GABRA5: variants seen among roughly 807,000 people sequenced by gnomAD.
The protein encoded by GABRA5 is gamma-aminobutyric acid receptor subunit alpha-5.
A neutral mutation model predicts 47.3 loss-of-function variants in GABRA5; 18 were observed. That is an observed-to-expected ratio of 0.38 (90% CI 0.26 to 0.56). GABRA5 has a LOEUF of 0.56. Ranked by LOEUF, GABRA5 falls within the 20% of genes least tolerant of loss-of-function variation. The probability of loss-of-function intolerance (pLI) is 0.71; values close to 1 mark genes in which losing one functional copy is unlikely to be tolerated. For missense variants in GABRA5, 365 were observed against 599.3 expected, an observed-to-expected ratio of 0.61 and a Z score of 4.08; for synonymous variants, 237 against 229.3, an observed-to-expected ratio of 1.03 and a Z score of -0.30.
intron 7 of GABRA5, among the ~76,000 whole-genome samples, chr15:26,917,103 T>A (rs1893733965): frequency 6.6e-6 from 1 of 152,068 alleles, no homozygotes; most frequent in African/African-American, 2.4e-5. Context: ...CCTAAAGTAT[T>A]GTACTGAATA....
chr15:26,939,846 G>A, intron 8 of GABRA5, 79 bp from the exon 9 acceptor site: 1 of 1,461,384 alleles, frequency 6.8e-7, no homozygotes. Context: ...GGAGTGGAAG[G>A]GAGGCTCCTG....
chr15:26,878,751 T>C (rs1031716523), intron 3 of GABRA5, among the ~76,000 whole-genome samples: 3 of 152,258 alleles, frequency 2.0e-5, no homozygotes, highest in Non-Finnish European at 4.4e-5. Flanking sequence ...CAAATGTGTG[T>C]AGATATACTG....
intron 7 of GABRA5, among the ~76,000 whole-genome samples, chr15:26,919,493 AT>A (rs1307947601): frequency 6.6e-6 from 1 of 152,134 alleles, no homozygotes; most frequent in Admixed American, 6.6e-5. Flanking sequence ...CTTAACATCA[AT>A]TACATATAAA....
intron 6 of GABRA5, among the ~76,000 whole-genome samples, chr15:26,905,285 T>TA (rs1893418653): frequency 6.6e-6 from 1 of 151,538 alleles, no homozygotes; most frequent in Non-Finnish European, 1.5e-5. Context: ...TGACAAGTTT[T>TA]TTTTTTCTTT....
In GABRA5 at chr15:26,880,886, A is replaced by C; in HGVS notation, c.127A>C (p.Asn43His). The change falls in exon 4 of 11, where the codon AAT becomes CAT. Residue 43 changes from asparagine to histidine, a missense_variant. Physicochemically the swap from Asn to His is moderately conservative, Grantham distance 68. Around this residue, in one of 3 missense-constraint regions of GABRA5, gnomAD observed 216 missense variants for 335.3 expected, o/e 0.64. Coordinates refer to ENST00000335625, the MANE Select transcript of GABRA5 (RefSeq NM_000810.4). Reference sequence around the variant, plus strand: ...AACCAGTTCAGTGAAAGATGAGACCAATGACAACATCACGATATTTACCAG... The same window carrying C: ...AACCAGTTCAGTGAAAGATGAGACCCATGACAACATCACGATATTTACCAG... The part of the protein sequence containing the change: ...MPTSSVKDET[N>H]DNITIFTRIL... 6.2e-7 allele frequency: 1 copy of C among 1,614,014 alleles called. No homozygotes were observed. Among genetic ancestry groups the C allele is most frequent in the Non-Finnish European group, 8.5e-7 (1 of 1,179,876 alleles).
rs565715520 is a variant in GABRA5 at position 26,918,400 on chromosome 15, A to G, written c.580+3515A>G. 2.0e-5 allele frequency among the ~76,000 whole-genome samples: 3 copies of G among 152,216 alleles called. No homozygotes were observed. In the South Asian group the frequency reaches 6.2e-4, roughly 31 times the overall value. On this transcript the variant is annotated intron_variant, in intron 7 of 10. Transcript: ENST00000335625. ...AAATTGATTACATTTGTTTTGTGAC[A>G]TAAAATGTGAATGTTCTGTATGTGC...
Position 26,914,847 on chromosome 15 carries a change from C to G in GABRA5, c.542C>G (p.Pro181Arg). 1 of 1,614,024 alleles carries G rather than the reference C, an allele frequency of 6.2e-7. No homozygotes were observed. Among genetic ancestry groups the G allele is most frequent in the Non-Finnish European group, 8.5e-7 (1 of 1,179,910 alleles). ...TGCCCCATGCAGCTTGAGGACTTCC[C>G]GATGGATGCGCACGCTTGCCCTCTG... is the stretch of plus-strand genomic sequence containing the variant. ...AECPMQLEDF[P>R]MDAHACPLKF... The change falls in exon 7 of 11, where the codon CCG (proline) becomes CGG (arginine). Residue 181 changes from proline to arginine, a missense_variant. Pro to Arg is a moderately radical substitution (Grantham distance 103, BLOSUM62 -2). This residue lies in a region of GABRA5 where 216 missense variants were observed against 335.3 expected (regional missense o/e 0.64). Coordinates refer to ENST00000335625, the MANE Select transcript of GABRA5 (RefSeq NM_000810.4).
intron 4 of GABRA5, among the ~76,000 whole-genome samples, chr15:26,881,231 T>G (rs1056271797): frequency 2.6e-5 from 4 of 152,200 alleles, no homozygotes; most frequent in Non-Finnish European, 5.9e-5. Context: ...CCCAAACATC[T>G]TTGCAAAATC....
chr15:26,888,944 G>A (rs1363519817), intron 6 of GABRA5, among the ~76,000 whole-genome samples: 1 of 152,220 alleles, frequency 6.6e-6, no homozygotes, highest in African/African-American at 2.4e-5. Flanking sequence ...ACGTGGTTCT[G>A]CCTGGCTCAG....
At chr15:26,945,186 C>T (rs955587789) in intron 10 of GABRA5, among the ~76,000 whole-genome samples, 1 of 152,202 alleles carries the variant, frequency 6.6e-6, no homozygotes, top group African/African-American at 2.4e-5. Flanking sequence ...GGGTTCCACC[C>T]CTGCTGCCAG....
intron 6 of GABRA5, among the ~76,000 whole-genome samples, chr15:26,892,690 G>C (rs971537922): frequency 5.3e-5 from 8 of 152,120 alleles, no homozygotes; most frequent in African/African-American, 1.9e-4. Context: ...TTTTTGCATT[G>C]CTTCAAGCAA....
At chr15:26,895,265 T>G (rs1893154403) in intron 6 of GABRA5, among the ~76,000 whole-genome samples, 2 of 151,930 alleles carry the variant, frequency 1.3e-5, no homozygotes, top group Admixed American at 6.6e-5. Context: ...CTCTCTCCTA[T>G]TAATATTATT....
chr15:26,915,965 C>A (rs1893707928), intron 7 of GABRA5, among the ~76,000 whole-genome samples: 1 of 152,138 alleles, frequency 6.6e-6, no homozygotes, highest in African/African-American at 2.4e-5. Flanking sequence ...CATAAAAGTT[C>A]ATTATATTTA....
chr15:26,885,246 C>T (rs1892847423), intron 6 of GABRA5, among the ~76,000 whole-genome samples: 1 of 151,580 alleles, frequency 6.6e-6, no homozygotes, highest in African/African-American at 2.4e-5. Flanking sequence ...TTGCAGTGAG[C>T]CCAGATCGCA....
chr15:26,932,713 C>G (rs960363892), intron 7 of GABRA5, among the ~76,000 whole-genome samples: 9 of 152,156 alleles, frequency 5.9e-5, no homozygotes, highest in African/African-American at 2.2e-4. Context: ...GGAATCAACC[C>G]AAATGCCCAT....
chr15:26,937,508 A>G (rs1305385299), intron 8 of GABRA5, among the ~76,000 whole-genome samples, 180 bp downstream of exon 8: 2 of 152,170 alleles, frequency 1.3e-5, no homozygotes, highest in African/African-American at 4.8e-5. Context: ...GAGCTGGCCA[A>G]AGGAATCCTC....
chr15:26,871,657 T>G (rs1270568932), intron 3 of GABRA5, among the ~76,000 whole-genome samples: 1 of 152,196 alleles, frequency 6.6e-6, no homozygotes, highest in Non-Finnish European at 1.5e-5. Flanking sequence ...CTTGCTTCTG[T>G]GCATGTTTTT....
intron 7 of GABRA5, among the ~76,000 whole-genome samples, chr15:26,927,743 G>A (rs1478957420): frequency 1.3e-5 from 2 of 152,206 alleles, no homozygotes; most frequent in Non-Finnish European, 2.9e-5. Context: ...GCATGCAGAG[G>A]CTAAATGTGA....
At chr15:26,877,974 C>T (rs1035802510) in intron 3 of GABRA5, among the ~76,000 whole-genome samples, 5 of 152,180 alleles carry the variant, frequency 3.3e-5, no homozygotes, top group East Asian at 1.9e-4. Context: ...GGACTCTGGT[C>T]GACCTCAGGA....
Sources: allele counts gnomAD v4.1 joint callset (sites outside exome capture counted in the v4.1 genomes callset), GRCh38; gene constraint gnomAD v4.1.1; regional missense constraint gnomAD v4.1.1; transcripts MANE v1.5; gene names NCBI Gene and HGNC (gene_info 2026-07-23, HGNC 2026-07-21).